ASIC2: variants seen among roughly 807,000 people sequenced by gnomAD.
ASIC2 encodes acid-sensing ion channel 2.
Under a neutral mutation model 57.3 loss-of-function variants are expected in ASIC2, and 25 were observed. The observed-to-expected ratio is 0.44, with a 90% CI of 0.32 to 0.61. The LOEUF (loss-of-function observed/expected upper bound fraction) is 0.61, where lower values mean the gene tolerates loss of function less well. ASIC2 is among the 20% of genes least tolerant of loss of function. The pLI is 0.06. For missense variants in ASIC2, 641 were observed against 738.1 expected (o/e 0.87, Z 1.52); for synonymous variants, 319 against 307.5 (o/e 1.04, Z -0.39).
Position 33,107,446 on chromosome 17 carries a change from TTTGTTCA to T in ASIC2, c.859+4464_859+4470del, listed in dbSNP as rs1175452830. 5.9e-5 allele frequency among the ~76,000 whole-genome samples: 9 copies of T among 152,364 alleles called. No homozygotes were observed. The South Asian group carries it at 1.7e-3, about 28-fold the overall frequency. ...AATTCTTTTTGGGCCCTGCATCCTT[TTTGTTCA>T]TAAACATGTTATATCCCAAACTCCT... On this transcript the variant is annotated intron_variant, in intron 2 of 9. Coordinates refer to ENST00000225823, the MANE Select transcript of ASIC2 (RefSeq NM_183377.2).
At chr17:33,636,010 A>G (rs1290779644) in intron 1 of ASIC2, among the ~76,000 whole-genome samples, 1 of 152,244 alleles carries the variant, frequency 6.6e-6, no homozygotes, top group Non-Finnish European at 1.5e-5. Context: ...ACAATTTTAT[A>G]TTAATTGACA....
At chr17:34,113,287 A>G (rs763440786) in intron 1 of ASIC2, among the ~76,000 whole-genome samples, 1 of 152,216 alleles carries the variant, frequency 6.6e-6, no homozygotes, top group Non-Finnish European at 1.5e-5. Flanking sequence ...TGTCAAGAAT[A>G]AAATGAGTCA....
At chr17:33,883,657 C>T (rs1019950589) in intron 1 of ASIC2, among the ~76,000 whole-genome samples, 7 of 152,184 alleles carry the variant, frequency 4.6e-5, no homozygotes, top group African/African-American at 1.4e-4. Flanking sequence ...TCCTCATGAA[C>T]GGCCCACAAG....
chr17:33,747,283 G>A (rs1415151609), intron 1 of ASIC2, among the ~76,000 whole-genome samples: 2 of 149,658 alleles, frequency 1.3e-5, no homozygotes, highest in Non-Finnish European at 3.0e-5. Context: ...GAGTGCAGTG[G>A]CATGATCACG....
chr17:33,818,893 A>G (rs181092915), intron 1 of ASIC2, among the ~76,000 whole-genome samples: 1 of 152,296 alleles, frequency 6.6e-6, no homozygotes, highest in East Asian at 1.9e-4. Context: ...AAAATTGGGC[A>G]TGCCTTCCAA....
At chr17:33,032,853 A>T (rs929127179) in intron 3 of ASIC2, among the ~76,000 whole-genome samples, 1 of 152,086 alleles carries the variant, frequency 6.6e-6, no homozygotes. Context: ...ATTGTTCATC[A>T]TGCTTCTTAC....
At chr17:33,729,017 T>G (rs1909652199) in intron 1 of ASIC2, among the ~76,000 whole-genome samples, 1 of 152,118 alleles carries the variant, frequency 6.6e-6, no homozygotes, top group Admixed American at 6.5e-5. Flanking sequence ...TTGGTCTCAA[T>G]CCAGAGAAAT....
chr17:33,655,851 A>G (rs535600095), intron 1 of ASIC2, among the ~76,000 whole-genome samples: 110 of 152,308 alleles, frequency 7.2e-4, no homozygotes, highest in Non-Finnish European at 1.3e-3. Flanking sequence ...CTCTATATCT[A>G]TCATGAAGAG....
At chr17:33,435,955 C>T (rs550761832) in intron 1 of ASIC2, among the ~76,000 whole-genome samples, 2 of 152,120 alleles carry the variant, frequency 1.3e-5, no homozygotes, top group African/African-American at 4.8e-5. Context: ...TAGCAAAACC[C>T]GGGAGAAATC....
Position 33,021,269 on chromosome 17 carries a change from T to C in ASIC2, c.1391A>G (p.Asn464Ser). 6.4e-7 allele frequency: 1 copy of C among 1,574,384 alleles called. No individual in the cohort carries two copies. ...CTTCTTCTGTTCAATTGTCTCATAA[T>C]TGAGAGCTTCAAAAAATATATCCAG... Reference protein sequence around the residue: ...LVLDIFFEALNYETIEQKKAY... With the variant: ...LVLDIFFEALSYETIEQKKAY... The change falls in exon 7 of 10, where the codon AAT (asparagine) becomes AGT (serine). Residue 464 changes from asparagine to serine, a missense_variant. Physicochemically the swap from Asn to Ser is conservative, Grantham distance 46. Coordinates refer to ENST00000225823, the MANE Select transcript of ASIC2 (RefSeq NM_183377.2).
At chr17:33,975,236 C>T (rs1024848442) in intron 1 of ASIC2, among the ~76,000 whole-genome samples, 6 of 152,144 alleles carry the variant, frequency 3.9e-5, no homozygotes, top group African/African-American at 1.4e-4. Flanking sequence ...GGATGGAAGC[C>T]CCTTTGCTGA....
Position 34,038,612 on chromosome 17 carries a change from C to T in ASIC2, c.555+117366G>A, listed in dbSNP as rs988013633. The T allele has an allele frequency of 4.8e-5, 77 of 1,599,396 alleles. No individual in the cohort carries two copies. In the African/African-American group the frequency reaches 8.6e-4, roughly 18 times the overall value. On this transcript the variant is annotated intron_variant, in intron 1 of 9. Coordinates refer to the ASIC2 transcript ENST00000359872. The stretch of plus-strand genomic sequence containing the variant: ...TTGTGAATTATCTTCATTATGTATC[C>T]TTTTTACTTCCCTGATATGTAGTTT...
chr17:34,029,888 C>T (rs1907525175), intron 1 of ASIC2, among the ~76,000 whole-genome samples: 1 of 152,072 alleles, frequency 6.6e-6, no homozygotes, highest in Non-Finnish European at 1.5e-5. Context: ...CAAAATAGAC[C>T]CTGCCTGGCA....
At chr17:34,007,446 A>C (rs1432634498) in intron 1 of ASIC2, among the ~76,000 whole-genome samples, 1 of 152,184 alleles carries the variant, frequency 6.6e-6, no homozygotes, top group Admixed American at 6.5e-5. Context: ...CAGAATAAGG[A>C]GGTAGCTGTG....
chr17:33,132,824 C>T (rs969624534), intron 1 of ASIC2, among the ~76,000 whole-genome samples: 3 of 152,142 alleles, frequency 2.0e-5, no homozygotes, highest in Non-Finnish European at 4.4e-5. Flanking sequence ...TTACGTCCTG[C>T]TTTTCTATGT....
chr17:33,370,905 G>A (rs140101892), intron 1 of ASIC2, among the ~76,000 whole-genome samples: 117 of 152,312 alleles, frequency 7.7e-4, no homozygotes, highest in African/African-American at 2.7e-3. Context: ...CAAAGCGAAA[G>A]CAAGTTTATT....
At chr17:34,107,585 TTCAC>T (rs1257554455) in intron 1 of ASIC2, among the ~76,000 whole-genome samples, 3 of 152,154 alleles carry the variant, frequency 2.0e-5, no homozygotes, top group East Asian at 1.9e-4. Context: ...TCAGAATTGC[TTCAC>T]TCAAACACTA....
At chr17:33,449,048 T>A (rs1378387913) in intron 1 of ASIC2, among the ~76,000 whole-genome samples, 1 of 152,198 alleles carries the variant, frequency 6.6e-6, no homozygotes, top group Non-Finnish European at 1.5e-5. Context: ...AGGGTACCAT[T>A]TGGTGGATTA....
chr17:34,016,423 CAA>C (rs398041640), intron 1 of ASIC2, among the ~76,000 whole-genome samples: 8 of 41,466 alleles, frequency 1.9e-4, no homozygotes, highest in East Asian at 1.5e-3. Flanking sequence ...GACTCCGTCT[CAA>C]AAAAAAAAAA....
Sources: gnomAD v4.1 joint callset for allele counts (sites outside exome capture counted in the v4.1 genomes callset) on GRCh38, gnomAD v4.1.1 for gene constraint, MANE v1.5 for transcripts, NCBI Gene and HGNC (gene_info 2026-07-23, HGNC 2026-07-21) for gene names.